SH3RF3: variants seen among roughly 807,000 people sequenced by gnomAD.
SH3RF3 encodes SH3 domain containing ring finger 3.
In SH3RF3, 29 loss-of-function variants were observed where a neutral mutation model predicts 66.3. The observed-to-expected ratio is 0.44, with a 90% CI of 0.33 to 0.60. The LOEUF (loss-of-function observed/expected upper bound fraction) is 0.60, where lower values mean the gene tolerates loss of function less well. Ranked by LOEUF, SH3RF3 falls within the 20% of genes least tolerant of loss-of-function variation. The pLI is 0.04. For missense variants in SH3RF3, 1,194 were observed against 1,190.9 expected (o/e 1.00, Z -0.04); for synonymous variants, 583 against 532.0 (o/e 1.10, Z -1.32).
At chr2:109,390,527 C>T (rs1477198121) in intron 3 of SH3RF3, among the ~76,000 whole-genome samples, 1 of 152,176 alleles carries the variant, frequency 6.6e-6, no homozygotes, top group Non-Finnish European at 1.5e-5. Context: ...GGACACATCA[C>T]CCAATATCAA....
At position 109,461,825 on chromosome 2, in the gene SH3RF3, C is replaced by A. The variant is rs562833211; in HGVS notation, c.2148+12336C>A. On this transcript the variant is annotated intron_variant, in intron 8 of 9. Coordinates refer to ENST00000309415, the MANE Select transcript of SH3RF3 (RefSeq NM_001099289.3). ...ACCTGTTGCAGAGCCTTTTTTTGTT[C>A]TAGGTCCTACTCAAAACTATCAATT... is the stretch of plus-strand genomic sequence containing the variant. 3.9e-5 allele frequency among the ~76,000 whole-genome samples: 6 copies of A among 152,264 alleles called. No individual in the cohort carries two copies. The South Asian group carries it at 1.2e-3, about 32-fold the overall frequency.
chr2:109,461,016 T>C (rs1559095953), intron 8 of SH3RF3, among the ~76,000 whole-genome samples: 1 of 152,214 alleles, frequency 6.6e-6, no homozygotes, highest in Non-Finnish European at 1.5e-5. Context: ...TGTGATCCTA[T>C]GGAACTGCCC....
chr2:109,348,870 C>G (rs1168439674), intron 2 of SH3RF3, among the ~76,000 whole-genome samples: 1 of 152,164 alleles, frequency 6.6e-6, no homozygotes, highest in East Asian at 1.9e-4. Context: ...TAATGCAGAT[C>G]TCTGATGTTA....
At chr2:109,415,258 C>A (rs1295329277) in intron 4 of SH3RF3, among the ~76,000 whole-genome samples, 2 of 152,206 alleles carry the variant, frequency 1.3e-5, no homozygotes, top group African/African-American at 4.8e-5. Flanking sequence ...GAGTCTGTGG[C>A]TGTTTGTTTC....
chr2:109,387,574 C>G (rs976916392), intron 3 of SH3RF3, among the ~76,000 whole-genome samples: 2 of 152,242 alleles, frequency 1.3e-5, no homozygotes, highest in South Asian at 2.1e-4. Flanking sequence ...CCTCCCACAT[C>G]TCCTCAAGGT....
intron 1 of SH3RF3, among the ~76,000 whole-genome samples, chr2:109,202,409 A>C (rs34440886): frequency 6.6e-6 from 1 of 151,972 alleles, no homozygotes; most frequent in Non-Finnish European, 1.5e-5. Context: ...GCCCGAACTT[A>C]ATTGTACTTT....
intron 1 of SH3RF3, among the ~76,000 whole-genome samples, chr2:109,160,156 C>T (rs562663224): frequency 1.3e-5 from 2 of 152,156 alleles, no homozygotes; most frequent in East Asian, 3.9e-4. Flanking sequence ...TCTGCATGGG[C>T]CAGGTGTCAC....
chr2:109,243,379 G>A (rs1486077277), intron 1 of SH3RF3, among the ~76,000 whole-genome samples: 2 of 152,204 alleles, frequency 1.3e-5, no homozygotes, highest in African/African-American at 2.4e-5. Context: ...AGATATTCCC[G>A]GGGCACATGC....
At chr2:109,376,491 T>C (rs2104360073) in intron 3 of SH3RF3, among the ~76,000 whole-genome samples, 1 of 152,306 alleles carries the variant, frequency 6.6e-6, no homozygotes, top group South Asian at 2.1e-4. Flanking sequence ...GATTCTCGTC[T>C]GCGAGGAAAA....
At chr2:109,332,771 A>C (rs60240458) in intron 1 of SH3RF3, among the ~76,000 whole-genome samples, 56,067 of 152,108 alleles carry the variant, frequency 0.37, 11,910 homozygotes, top group Non-Finnish European at 0.48. Context: ...GTGGAGGCAC[A>C]GGTGCTAGTG....
At chr2:109,301,443 G>T (rs948806079) in intron 1 of SH3RF3, among the ~76,000 whole-genome samples, 6 of 152,126 alleles carry the variant, frequency 3.9e-5, no homozygotes, top group Admixed American at 3.9e-4. Flanking sequence ...CTCCTCCGGG[G>T]ATTGCTGGCC....
intron 1 of SH3RF3, among the ~76,000 whole-genome samples, chr2:109,232,784 A>G (rs560377699): frequency 9.1e-4 from 139 of 152,306 alleles, no homozygotes; most frequent in Non-Finnish European, 1.7e-3. Context: ...GGGTCCCCTA[A>G]ACACAGCTGA....
At chr2:109,140,102 G>T (rs1676911220) in intron 1 of SH3RF3, among the ~76,000 whole-genome samples, 1 of 152,204 alleles carries the variant, frequency 6.6e-6, no homozygotes, top group South Asian at 2.1e-4. Context: ...TTAGTCCTGG[G>T]AGGCCCCTTT....
intron 2 of SH3RF3, among the ~76,000 whole-genome samples, chr2:109,367,119 A>ATTGTTT (rs1683165103): frequency 8.8e-6 from 1 of 113,292 alleles, no homozygotes; most frequent in Non-Finnish European, 1.8e-5. Context: ...TGCCCTGGTA[A>ATTGTTT]TTTTTTTTTT....
intron 1 of SH3RF3, among the ~76,000 whole-genome samples, chr2:109,272,793 C>G (rs937575210): frequency 6.6e-6 from 1 of 152,180 alleles, no homozygotes; most frequent in African/African-American, 2.4e-5. Context: ...TTAAACAGCC[C>G]CCGGTACTGC....
At chr2:109,290,875 T>A (rs150035339) in intron 1 of SH3RF3, among the ~76,000 whole-genome samples, 2 of 152,382 alleles carry the variant, frequency 1.3e-5, no homozygotes, top group East Asian at 3.9e-4. Flanking sequence ...TTTTTATTCT[T>A]CATGTATATA....
At chr2:109,408,452 A>G (rs930452770) in intron 4 of SH3RF3, among the ~76,000 whole-genome samples, 6 of 151,792 alleles carry the variant, frequency 4.0e-5, no homozygotes, top group African/African-American at 1.5e-4. Flanking sequence ...TAAACCACCT[A>G]CCTCCCCACA....
chr2:109,391,621 G>C (rs1363615963), intron 3 of SH3RF3, among the ~76,000 whole-genome samples: 1 of 152,220 alleles, frequency 6.6e-6, no homozygotes, highest in East Asian at 1.9e-4. Context: ...CATCAGTCCA[G>C]AGTGCTGGCA....
chr2:109,183,506 T>G (rs1288426806), intron 1 of SH3RF3, among the ~76,000 whole-genome samples: 1 of 152,178 alleles, frequency 6.6e-6, no homozygotes, highest in Non-Finnish European at 1.5e-5. Context: ...TTCAGTGGCC[T>G]TTTGAAGGCT....
Sources: allele counts gnomAD v4.1 joint callset (sites outside exome capture counted in the v4.1 genomes callset), GRCh38; gene constraint gnomAD v4.1.1; transcripts MANE v1.5; gene names NCBI Gene and HGNC (gene_info 2026-07-23, HGNC 2026-07-21).